Variants in PCSK2 observed in about 807,000 individuals in gnomAD.
PCSK2 encodes the protein neuroendocrine convertase 2.
A neutral mutation model predicts 69.7 loss-of-function variants in PCSK2; 14 were observed. The observed-to-expected ratio is 0.20, with a 90% CI of 0.13 to 0.31. The LOEUF (loss-of-function observed/expected upper bound fraction) is 0.31. PCSK2 is among the 10% of genes least tolerant of loss of function. The probability of loss-of-function intolerance (pLI) is 1.00; values close to 1 mark genes in which losing one functional copy is unlikely to be tolerated. For synonymous variants in PCSK2, 307 were observed against 320.7 expected, an observed-to-expected ratio of 0.96 and a Z score of 0.46; for missense variants, 544 against 842.5, an observed-to-expected ratio of 0.65 and a Z score of 4.39.
At chr20:17,274,656 A>G (rs1942924890) in intron 2 of PCSK2, among the ~76,000 whole-genome samples, 1 of 152,100 alleles carries the variant, frequency 6.6e-6, no homozygotes, top group South Asian at 2.1e-4. Flanking sequence ...TCAGAAGTGG[A>G]TCTTTTAGCC....
rs891284463 is a variant in PCSK2 at position 17,369,325 on chromosome 20, C to T, written c.543+48C>T. On this transcript the variant is annotated intron_variant, in intron 5 of 11. Coordinates refer to ENST00000262545, the MANE Select transcript of PCSK2 (RefSeq NM_002594.5). Reference sequence around the variant, plus strand: ...GGGGAAACAGATGCATCTTAAATGTCCTGGTGTCCCTGGCTATTAGGAACA... The same window carrying T: ...GGGGAAACAGATGCATCTTAAATGTTCTGGTGTCCCTGGCTATTAGGAACA... 1.5e-5 allele frequency: 22 copies of T among 1,466,074 alleles called. No homozygotes were observed. In the East Asian group the frequency reaches 4.8e-4, roughly 32 times the overall value. 90.8% of individuals were successfully genotyped at this position (1,466,074 alleles called of 1,614,324 possible).
intron 5 of PCSK2, among the ~76,000 whole-genome samples, chr20:17,394,395 C>T (rs1166807809): frequency 6.6e-6 from 1 of 152,062 alleles, no homozygotes; most frequent in East Asian, 1.9e-4. Context: ...GATGGAAAAG[C>T]GAGGGATATC....
intron 10 of PCSK2, chr20:17,463,826 A>G (rs2033053715): frequency 6.6e-6 from 1 of 152,166 alleles, no homozygotes; most frequent in Non-Finnish European, 1.5e-5. Context: ...AACTTTGCAT[A>G]TGTTGAAATT....
intron 2 of PCSK2, among the ~76,000 whole-genome samples, chr20:17,337,166 T>G (rs940864711): frequency 2.6e-5 from 4 of 152,136 alleles, no homozygotes; most frequent in Non-Finnish European, 5.9e-5. Flanking sequence ...AAACCAATGA[T>G]GGAGGATGGA....
At chr20:17,468,912 G>C (rs1262577100) in intron 11 of PCSK2, among the ~76,000 whole-genome samples, 1 of 152,278 alleles carries the variant, frequency 6.6e-6, no homozygotes, top group Non-Finnish European at 1.5e-5. Flanking sequence ...GTGGCACCAA[G>C]TGGATTACTG....
At chr20:17,477,108 C>T (rs947249323) in intron 11 of PCSK2, among the ~76,000 whole-genome samples, 3 of 152,226 alleles carry the variant, frequency 2.0e-5, no homozygotes, top group Non-Finnish European at 4.4e-5. Context: ...AGCAAGCCCT[C>T]CCAGGTTCAT....
intron 2 of PCSK2, among the ~76,000 whole-genome samples, chr20:17,279,570 C>A (rs924155800): frequency 1.3e-5 from 2 of 151,824 alleles, no homozygotes; most frequent in African/African-American, 4.8e-5. Context: ...CTTTGGGAGG[C>A]CGAGGCGGGT....
chr20:17,229,965 C>A (rs1487024781), intron 1 of PCSK2, among the ~76,000 whole-genome samples: 1 of 152,204 alleles, frequency 6.6e-6, no homozygotes, highest in Non-Finnish European at 1.5e-5. Flanking sequence ...TGTATTTCTA[C>A]TTAAAAGGTA....
At chr20:17,335,171 G>T (rs1990309046) in intron 2 of PCSK2, among the ~76,000 whole-genome samples, 1 of 142,744 alleles carries the variant, frequency 7.0e-6, no homozygotes, top group African/African-American at 2.5e-5. Flanking sequence ...CCATATACTT[G>T]CAGTCAGACG....
chr20:17,272,668 C>G (rs1987916179), intron 2 of PCSK2, among the ~76,000 whole-genome samples: 1 of 152,062 alleles, frequency 6.6e-6, no homozygotes, highest in Non-Finnish European at 1.5e-5. Context: ...TCAGAACCCT[C>G]TGCCAGGATG....
intron 2 of PCSK2, among the ~76,000 whole-genome samples, chr20:17,280,670 G>C (rs1460847046): frequency 6.6e-6 from 1 of 152,208 alleles, no homozygotes; most frequent in Non-Finnish European, 1.5e-5. Context: ...AAGACAAATA[G>C]AAGATTCTCC....
At chr20:17,460,894 C>T (rs2033003999) in intron 10 of PCSK2, among the ~76,000 whole-genome samples, 1 of 152,204 alleles carries the variant, frequency 6.6e-6, no homozygotes, top group Non-Finnish European at 1.5e-5. Context: ...ACATAATTTA[C>T]ATTTACATCC....
intron 1 of PCSK2, among the ~76,000 whole-genome samples, chr20:17,231,762 G>C (rs1295265941): frequency 6.6e-6 from 1 of 152,148 alleles, no homozygotes; most frequent in East Asian, 1.9e-4. Context: ...CAAGGTATAG[G>C]CTGCTGGGTC....
At chr20:17,340,695 G>T (rs553473663) in intron 2 of PCSK2, among the ~76,000 whole-genome samples, 150 of 152,186 alleles carry the variant, frequency 9.9e-4, no homozygotes, top group African/African-American at 3.5e-3. Flanking sequence ...TGGTTCTTAC[G>T]CTTAGTTATT....
At chr20:17,438,161 A>T (rs777989751) in intron 8 of PCSK2, among the ~76,000 whole-genome samples, 1 of 152,176 alleles carries the variant, frequency 6.6e-6, no homozygotes, top group Non-Finnish European at 1.5e-5. Flanking sequence ...AATGTTTTTA[A>T]ATTTGCTTCT....
intron 2 of PCSK2, among the ~76,000 whole-genome samples, chr20:17,336,928 TTCTG>T (rs1424911646): frequency 5.3e-5 from 8 of 152,178 alleles, no homozygotes; most frequent in Non-Finnish European, 7.4e-5. Context: ...GACAACAATG[TTCTG>T]TCTTAGTCTG....
intron 2 of PCSK2, among the ~76,000 whole-genome samples, chr20:17,329,193 G>C (rs1489424012): frequency 6.6e-6 from 1 of 152,148 alleles, no homozygotes; most frequent in African/African-American, 2.4e-5. Flanking sequence ...GTAAATCAAT[G>C]TTAAATCCAA....
At chr20:17,452,331 A>G (rs1238072670) in intron 8 of PCSK2, among the ~76,000 whole-genome samples, 2 of 152,186 alleles carry the variant, frequency 1.3e-5, no homozygotes, top group African/African-American at 4.8e-5. Context: ...GCATAGATTT[A>G]CCAAGATGCT....
At chr20:17,253,686 G>T (rs1987076418) in intron 1 of PCSK2, among the ~76,000 whole-genome samples, 1 of 152,152 alleles carries the variant, frequency 6.6e-6, no homozygotes, top group African/African-American at 2.4e-5. Context: ...ACAAGAATTT[G>T]TGTAAATGTA....
Sources: gnomAD v4.1 joint callset for allele counts (sites outside exome capture counted in the v4.1 genomes callset) on GRCh38, gnomAD v4.1.1 for gene constraint, MANE v1.5 for transcripts, NCBI Gene and HGNC (gene_info 2026-07-23, HGNC 2026-07-21) for gene names.